The following CPA3 variants were observed in gnomAD, a reference collection of about 807,000 sequenced individuals.
CPA3 encodes mast cell carboxypeptidase A.
Under a neutral mutation model 55.8 loss-of-function variants are expected in CPA3, and 52 were observed. The observed-to-expected ratio is 0.93, with a 90% confidence interval of 0.75 to 1.17. CPA3 has a LOEUF of 1.17. CPA3 is among the 50% of genes most tolerant of loss of function. CPA3 has a pLI of 0.00. For missense variants in CPA3, 547 were observed against 509.1 expected, an observed-to-expected ratio of 1.07 and a Z score of -0.72; for synonymous variants, 179 against 171.2, an observed-to-expected ratio of 1.05 and a Z score of -0.36.
At chr3:148,881,436 C>A in intron 6 of CPA3, 86 bp from the exon 7 acceptor site, 1 of 718,646 alleles carries the variant, frequency 1.4e-6, no homozygotes, top group Non-Finnish European at 2.4e-6. Flanking sequence ...TGGGAAGTGA[C>A]TCAAGTTATT....
At chr3:148,882,463 A>G in intron 7 of CPA3, 42 bp from the exon 8 acceptor site, 1 of 1,541,648 alleles carries the variant, frequency 6.5e-7, no homozygotes. Context: ...TGAAAAATGC[A>G]AACTGATCTT....
chr3:148,894,524 G>A (rs938482902), intron 10 of CPA3, among the ~76,000 whole-genome samples: 3 of 149,334 alleles, frequency 2.0e-5, no homozygotes, highest in East Asian at 2.0e-4. Context: ...TTACCTACAC[G>A]CACTAATTAA....
intron 2 of CPA3, among the ~76,000 whole-genome samples, chr3:148,868,595 T>C (rs1405304625): frequency 2.0e-5 from 3 of 152,054 alleles, no homozygotes; most frequent in Non-Finnish European, 2.9e-5. Flanking sequence ...AGATGAATTG[T>C]GATCCCATTC....
At chr3:148,868,808 G>C in intron 2 of CPA3, 107 bp from the exon 3 acceptor site, 1 of 1,277,678 alleles carries the variant, frequency 7.8e-7, no homozygotes, top group South Asian at 1.5e-5. Context: ...TCTTAGTTAT[G>C]CTGAGCCCCA....
chr3:148,878,908 G>A (rs763806984), intron 5 of CPA3, among the ~76,000 whole-genome samples, 160 bp downstream of exon 5: 15 of 152,224 alleles, frequency 9.9e-5, no homozygotes, highest in South Asian at 4.1e-4. Context: ...AATGACAAGC[G>A]GTTTTGGTGG....
At chr3:148,873,237 T>C (rs1247625618) in intron 3 of CPA3, among the ~76,000 whole-genome samples, 1 of 152,248 alleles carries the variant, frequency 6.6e-6, no homozygotes, top group African/African-American at 2.4e-5. Context: ...TAGGGAAACC[T>C]GAAACCATGC....
intron 2 of CPA3, among the ~76,000 whole-genome samples, chr3:148,867,100 A>G (rs1713923108): frequency 6.6e-6 from 1 of 152,170 alleles, no homozygotes; most frequent in Admixed American, 6.5e-5. Flanking sequence ...AAAGCGTTTT[A>G]TGATCTGCCA....
At chr3:148,881,807 G>A (rs1257919155) in intron 7 of CPA3, among the ~76,000 whole-genome samples, 175 bp downstream of exon 7, 1 of 152,102 alleles carries the variant, frequency 6.6e-6, no homozygotes, top group Non-Finnish European at 1.5e-5. Context: ...AGGTATCCTT[G>A]AAATAATATA....
chr3:148,886,220 T>C (rs766450732), intron 10 of CPA3, 43 bp downstream of exon 10: 2 of 1,369,714 alleles, frequency 1.5e-6, no homozygotes, highest in Non-Finnish European at 2.0e-6. Context: ...TCCCTAATTA[T>C]TTTTTACAAA....
chr3:148,868,557 T>C (rs1202217828), intron 2 of CPA3, among the ~76,000 whole-genome samples: 1 of 152,150 alleles, frequency 6.6e-6, no homozygotes, highest in Non-Finnish European at 1.5e-5. Flanking sequence ...TTAACTTAAA[T>C]TTCCAATTAG....
intron 2 of CPA3, among the ~76,000 whole-genome samples, chr3:148,866,129 T>A (rs141944130): frequency 1.5e-4 from 23 of 152,346 alleles, no homozygotes; most frequent in African/African-American, 5.3e-4. Flanking sequence ...AGATTCTCAA[T>A]GTCAGGGTTA....
chr3:148,891,497 C>CACACACACACACACACACACAT (rs1176458070), intron 10 of CPA3, among the ~76,000 whole-genome samples: 19 of 149,570 alleles, frequency 1.3e-4, no homozygotes, highest in African/African-American at 4.0e-4. Context: ...CACACACACA[C>CACACACACACACACACACACAT]ACACACACAC....
chr3:148,869,349 T>C (rs1713996709), intron 3 of CPA3, among the ~76,000 whole-genome samples: 1 of 152,140 alleles, frequency 6.6e-6, no homozygotes, highest in Non-Finnish European at 1.5e-5. Context: ...CAGGCATGAA[T>C]GGTTTAGCCA....
intron 1 of CPA3, 23 bp from the exon 2 acceptor site, chr3:148,865,450 T>G (rs1021999459): frequency 1.9e-6 from 3 of 1,613,588 alleles, no homozygotes; most frequent in Non-Finnish European, 2.5e-6. Context: ...TTCACTTTTT[T>G]TTTTTCATTT....
At chr3:148,891,622 GA>G (rs1388040035) in intron 10 of CPA3, among the ~76,000 whole-genome samples, 5 of 151,856 alleles carry the variant, frequency 3.3e-5, no homozygotes, top group African/African-American at 1.2e-4. Context: ...TTAAGATCTA[GA>G]AGATATGAAA....
At position 148,878,412 on chromosome 3, in the gene CPA3, A is replaced by G. The variant is rs762770539; in HGVS notation, c.270-29A>G. ...GTGTTTTCCTTTCTCATGATAAAACATGTATTTTATCATTCCCCTGTCAAA... is the reference window on the plus strand; with the variant it reads ...GTGTTTTCCTTTCTCATGATAAAACGTGTATTTTATCATTCCCCTGTCAAA... On this transcript the variant is annotated intron_variant, in intron 3 of 10. Transcript: ENST00000296046. The G allele has an allele frequency of 3.5e-6, 5 of 1,424,838 alleles. No individual in the cohort carries two copies. In the South Asian group the frequency reaches 5.8e-5, roughly 16 times the overall value. 88.3% of individuals were successfully genotyped at this position (1,424,838 alleles called of 1,614,324 possible). A position where few individuals can be genotyped will look rare whatever the true frequency, so the allele number is the denominator to read the frequency against.
At position 148,883,764 on chromosome 3, in the gene CPA3, A is replaced by T. The variant is rs750802884; in HGVS notation, c.930A>T (p.Leu310=). ...CCTTCCATTCCTACTCCCAGATGCT[A>T]TTGTTTCCCTATGGATATACATCAA... ...YITFHSYSQM[L]LFPYGYTSKL... Residue 310 remains leucine (L), a synonymous_variant, in exon 9 of 11, where the codon CTA becomes CTT. Coordinates refer to ENST00000296046, the MANE Select transcript of CPA3 (RefSeq NM_001870.4). 2.5e-6 allele frequency: 4 copies of T among 1,614,058 alleles called. No individual in the cohort carries two copies. Among genetic ancestry groups the T allele is most frequent in the Non-Finnish European group, 3.4e-6 (4 of 1,179,956 alleles).
intron 10 of CPA3, among the ~76,000 whole-genome samples, chr3:148,888,846 A>C (rs528151113): frequency 6.6e-6 from 1 of 152,348 alleles, no homozygotes; most frequent in South Asian, 2.1e-4. Flanking sequence ...TATATGGTGT[A>C]CCTAGCTAGC....
chr3:148,876,115 T>A (rs1714194527), intron 3 of CPA3, among the ~76,000 whole-genome samples: 1 of 151,816 alleles, frequency 6.6e-6, no homozygotes, highest in African/African-American at 2.4e-5. Flanking sequence ...ATAAAATAGC[T>A]AAGTGTAATC....
Sources: gnomAD v4.1 joint callset for allele counts (sites outside exome capture counted in the v4.1 genomes callset) on GRCh38, gnomAD v4.1.1 for gene constraint, MANE v1.5 for transcripts, NCBI Gene and HGNC (gene_info 2026-07-23, HGNC 2026-07-21) for gene names.